ACBD6: variants seen among roughly 807,000 people sequenced by gnomAD.
ACBD6 encodes acyl-CoA binding domain containing 6.
ACBD6 carries 28 observed loss-of-function variants against 37.2 expected under a neutral mutation model. The observed-to-expected ratio is 0.75, with a 90% CI of 0.56 to 1.03. ACBD6 has a LOEUF of 1.03. ACBD6 is among the 50% of genes least tolerant of loss of function. The probability of loss-of-function intolerance (pLI) is 0.00; values close to 1 mark genes in which losing one functional copy is unlikely to be tolerated. For missense variants in ACBD6, 340 were observed against 337.4 expected (o/e 1.01, Z -0.06); for synonymous variants, 113 against 126.8 (o/e 0.89, Z 0.73).
intron 6 of ACBD6, among the ~76,000 whole-genome samples, chr1:180,394,850 C>A (rs906146921): frequency 6.6e-6 from 1 of 151,816 alleles, no homozygotes; most frequent in African/African-American, 2.4e-5. Context: ...ATAAAAACCA[C>A]GAAATAATGA....
chr1:180,333,553 A>G (rs1414658665), intron 6 of ACBD6, among the ~76,000 whole-genome samples: 1 of 152,216 alleles, frequency 6.6e-6, no homozygotes, highest in Admixed American at 6.5e-5. Flanking sequence ...GCTTAAATTC[A>G]TTCATTCAAG....
intron 3 of ACBD6, chr1:180,435,219 C>T: frequency 1.5e-6 from 1 of 681,166 alleles, no homozygotes. Context: ...TACTCTGGTG[C>T]TGGGTTACGA....
chr1:180,312,580 T>C (rs1650635612), intron 7 of ACBD6, among the ~76,000 whole-genome samples: 1 of 152,192 alleles, frequency 6.6e-6, no homozygotes, highest in Non-Finnish European at 1.5e-5. Context: ...TAATACAGTA[T>C]TGAAGAGACA....
chr1:180,493,247 C>CAAAAAAAAAAAAAAAAAAAAAAAAAAAA (rs71121023), intron 2 of ACBD6, among the ~76,000 whole-genome samples: 3 of 47,794 alleles, frequency 6.3e-5, no homozygotes, highest in Middle Eastern at 0.015. Flanking sequence ...AATTCTGTCT[C>CAAAAAAAAAAAAAAAAAAAAAAAAAAAA]AAAAAAAAAA....
chr1:180,459,289 A>G (rs1650039302), intron 3 of ACBD6, among the ~76,000 whole-genome samples: 1 of 152,194 alleles, frequency 6.6e-6, no homozygotes, highest in African/African-American at 2.4e-5. Context: ...CTCCATAATT[A>G]TAATTACTGT....
chr1:180,326,800 A>G (rs1651272522), intron 6 of ACBD6, among the ~76,000 whole-genome samples: 1 of 151,986 alleles, frequency 6.6e-6, no homozygotes, highest in Admixed American at 6.5e-5. Flanking sequence ...CTTCCCTTCA[A>G]GGCAGTGGGT....
chr1:180,398,115 C>T (rs1434582015), intron 5 of ACBD6, among the ~76,000 whole-genome samples: 1 of 151,806 alleles, frequency 6.6e-6, no homozygotes, highest in Non-Finnish European at 1.5e-5. Context: ...AATAGGAAGC[C>T]CCAATATCTA....
At chr1:180,372,376 G>A (rs1653294536) in intron 6 of ACBD6, among the ~76,000 whole-genome samples, 1 of 152,004 alleles carries the variant, frequency 6.6e-6, no homozygotes, top group Non-Finnish European at 1.5e-5. Context: ...AAATATATCA[G>A]TATGCACCTA....
At chr1:180,448,416 C>T (rs951938595) in intron 3 of ACBD6, among the ~76,000 whole-genome samples, 4 of 151,874 alleles carry the variant, frequency 2.6e-5, no homozygotes, top group African/African-American at 9.7e-5. Flanking sequence ...TTTTAGATCT[C>T]TATCTCCCTT....
At chr1:180,323,814 G>C (rs1402943322) in intron 6 of ACBD6, among the ~76,000 whole-genome samples, 1 of 151,768 alleles carries the variant, frequency 6.6e-6, no homozygotes, top group Non-Finnish European at 1.5e-5. Flanking sequence ...GTCTCTTGTA[G>C]GCAACAGATC....
At chr1:180,405,220 C>G (rs1448301845) in intron 5 of ACBD6, among the ~76,000 whole-genome samples, 1 of 152,134 alleles carries the variant, frequency 6.6e-6, no homozygotes, top group Non-Finnish European at 1.5e-5. Flanking sequence ...TTACTTAGTA[C>G]TGTCACAGTT....
intron 6 of ACBD6, among the ~76,000 whole-genome samples, chr1:180,332,718 TA>T (rs1323987007): frequency 7.2e-5 from 11 of 152,082 alleles, no homozygotes; most frequent in Non-Finnish European, 1.6e-4. Flanking sequence ...TGCAATGTAA[TA>T]ATAATATAAA....
intron 4 of ACBD6, among the ~76,000 whole-genome samples, chr1:180,424,483 T>C (rs1384613007): frequency 1.3e-5 from 2 of 151,342 alleles, no homozygotes; most frequent in East Asian, 3.9e-4. Flanking sequence ...TGGAACAGAG[T>C]GAAAAAGGGG....
chr1:180,426,665 A>G (rs181750162), intron 4 of ACBD6, among the ~76,000 whole-genome samples: 2 of 152,330 alleles, frequency 1.3e-5, no homozygotes, highest in South Asian at 2.1e-4. Context: ...AGCTCCTAAC[A>G]TCAGCTCCTG....
chr1:180,418,098 AT>A (rs1424882358), intron 4 of ACBD6, among the ~76,000 whole-genome samples: 4 of 152,052 alleles, frequency 2.6e-5, no homozygotes, highest in African/African-American at 4.8e-5. Context: ...TATAAATATA[AT>A]TTTTATATAA....
At chr1:180,296,382 C>A (rs1372319043) in intron 7 of ACBD6, among the ~76,000 whole-genome samples, 2 of 152,074 alleles carry the variant, frequency 1.3e-5, no homozygotes, top group Non-Finnish European at 2.9e-5. Flanking sequence ...GAAGATCTAA[C>A]TAAGATAAAG....
chr1:180,328,707 T>G (rs1395170510), intron 6 of ACBD6, among the ~76,000 whole-genome samples: 1 of 152,152 alleles, frequency 6.6e-6, no homozygotes, highest in Non-Finnish European at 1.5e-5. Flanking sequence ...TTTGAGTTAG[T>G]AATATAGTTT....
chr1:180,276,488 T>A (rs952826256), intron 9 of ACBD6: 1 of 152,308 alleles, frequency 6.6e-6, no homozygotes, highest in Admixed American at 6.5e-5. Context: ...TAGACACTTC[T>A]CTTGAGGTTC....
intron 6 of ACBD6, among the ~76,000 whole-genome samples, chr1:180,374,988 A>G (rs1305950144): frequency 1.3e-5 from 2 of 152,170 alleles, no homozygotes; most frequent in African/African-American, 2.4e-5. Flanking sequence ...GACACCCTAT[A>G]TTCTTGTATT....
Sources: gnomAD v4.1 joint callset for allele counts (sites outside exome capture counted in the v4.1 genomes callset) on GRCh38, gnomAD v4.1.1 for gene constraint, MANE v1.5 for transcripts, NCBI Gene and HGNC (gene_info 2026-07-23, HGNC 2026-07-21) for gene names.